ELMO1: variants seen among roughly 807,000 people sequenced by gnomAD.
The protein encoded by ELMO1 is engulfment and cell motility protein 1.
A neutral mutation model predicts 98.9 loss-of-function variants in ELMO1; 26 were observed. That is an observed-to-expected ratio of 0.26 (90% CI 0.19 to 0.36). The LOEUF (loss-of-function observed/expected upper bound fraction) is 0.36, where lower values mean the gene tolerates loss of function less well. Ranked by LOEUF, ELMO1 falls within the 10% of genes least tolerant of loss-of-function variation. The pLI, the probability that ELMO1 is intolerant of heterozygous loss-of-function variation, is 1.00. For synonymous variants in ELMO1, 346 were observed against 346.0 expected (o/e 1.00, Z 0.00); for missense variants, 627 against 935.2 (o/e 0.67, Z 4.30).
At chr7:37,003,365 G>GA (rs1203238280) in intron 16 of ELMO1, among the ~76,000 whole-genome samples, 1 of 152,094 alleles carries the variant, frequency 6.6e-6, no homozygotes, top group Non-Finnish European at 1.5e-5. Context: ...TCAAATACAA[G>GA]AAAGAAAAGA....
chr7:37,144,466 G>A (rs1233086728), intron 13 of ELMO1, among the ~76,000 whole-genome samples: 1 of 152,182 alleles, frequency 6.6e-6, no homozygotes, highest in Non-Finnish European at 1.5e-5. Flanking sequence ...TTTATGAGAT[G>A]CTTTGGATAC....
chr7:37,116,314 A>G (rs1195563092), intron 14 of ELMO1, among the ~76,000 whole-genome samples: 1 of 152,244 alleles, frequency 6.6e-6, no homozygotes, highest in Non-Finnish European at 1.5e-5. Context: ...TTACAGCAGA[A>G]AGAAAGAGGG....
chr7:37,306,254 A>C (rs1490223234), intron 4 of ELMO1, among the ~76,000 whole-genome samples: 1 of 152,256 alleles, frequency 6.6e-6, no homozygotes, highest in Non-Finnish European at 1.5e-5. Context: ...ACTGAATTCC[A>C]GGTTAGTAAA....
chr7:36,879,328 A>T (rs552831211), intron 18 of ELMO1, among the ~76,000 whole-genome samples: 1 of 152,202 alleles, frequency 6.6e-6, no homozygotes, highest in Admixed American at 6.5e-5. Context: ...AAAATGCCTA[A>T]GGCATGAGGT....
At chr7:37,165,687 C>T (rs1164547636) in intron 13 of ELMO1, among the ~76,000 whole-genome samples, 1 of 151,976 alleles carries the variant, frequency 6.6e-6, no homozygotes, top group Non-Finnish European at 1.5e-5. Context: ...GGGATGAAGC[C>T]CACTTGATCT....
chr7:37,090,764 A>G (rs1266299143), intron 15 of ELMO1, among the ~76,000 whole-genome samples: 1 of 152,194 alleles, frequency 6.6e-6, no homozygotes, highest in African/African-American at 2.4e-5. Flanking sequence ...GGAATGAAGT[A>G]TTGCCTCCCA....
chr7:37,039,310 T>C (rs1456806531), intron 15 of ELMO1, among the ~76,000 whole-genome samples: 2 of 152,108 alleles, frequency 1.3e-5, no homozygotes, highest in African/African-American at 4.8e-5. Flanking sequence ...TCCATAATAA[T>C]AAGAGCTGCT....
intron 13 of ELMO1, among the ~76,000 whole-genome samples, chr7:37,152,120 AACT>A (rs1284623549): frequency 6.6e-6 from 1 of 152,216 alleles, no homozygotes; most frequent in Non-Finnish European, 1.5e-5. Context: ...TGGAGTCAAA[AACT>A]ACTATGTTAA....
intron 4 of ELMO1, among the ~76,000 whole-genome samples, chr7:37,274,924 A>C (rs1049579361): frequency 3.9e-5 from 6 of 152,194 alleles, no homozygotes; most frequent in African/African-American, 1.4e-4. Context: ...CAATAAACTA[A>C]CATTTATTGA....
chr7:37,125,529 T>C (rs955315387), intron 14 of ELMO1, among the ~76,000 whole-genome samples: 2 of 152,016 alleles, frequency 1.3e-5, no homozygotes, highest in African/African-American at 4.8e-5. Context: ...AACAGACACA[T>C]GAAGAAATGC....
chr7:37,376,101 A>AC (rs1802330572), intron 1 of ELMO1: 2 of 337,378 alleles, frequency 5.9e-6, no homozygotes, highest in Admixed American at 4.0e-5. Flanking sequence ...AAACAAACAA[A>AC]AAAAACACTG....
intron 2 of ELMO1, among the ~76,000 whole-genome samples, chr7:37,332,138 A>G (rs1800160296): frequency 6.6e-6 from 1 of 152,218 alleles, no homozygotes; most frequent in Non-Finnish European, 1.5e-5. Flanking sequence ...GTTTGTCTCA[A>G]AGTCACTGAT....
intron 14 of ELMO1, among the ~76,000 whole-genome samples, chr7:37,132,455 G>A (rs1786987873): frequency 6.6e-6 from 1 of 152,124 alleles, no homozygotes; most frequent in Non-Finnish European, 1.5e-5. Context: ...CAGGGGAGAG[G>A]TGTCAGCACA....
intron 4 of ELMO1, among the ~76,000 whole-genome samples, chr7:37,305,059 G>T (rs1356621437): frequency 6.6e-6 from 1 of 152,120 alleles, no homozygotes; most frequent in Non-Finnish European, 1.5e-5. Context: ...CTAAAGTTTT[G>T]TATGTATGTA....
At chr7:37,160,226 A>G (rs2129328316) in intron 13 of ELMO1, among the ~76,000 whole-genome samples, 1 of 152,350 alleles carries the variant, frequency 6.6e-6, no homozygotes, top group East Asian at 1.9e-4. Context: ...ATTTTCAACA[A>G]TGAAGAAGGA....
chr7:37,342,840 G>T lies in ELMO1; in HGVS notation c.-73-77C>A. The stretch of plus-strand genomic sequence containing the variant: ...GGTGAATTTTGCTTCATCACTTCCT[G>T]TTTTCACTGGTGGTTTGGTATGAAA... On this transcript the variant is annotated intron_variant, in intron 1 of 21. Coordinates refer to ENST00000310758, the MANE Select transcript of ELMO1 (RefSeq NM_014800.11). The surrounding 1 kb of genome is among the most constrained non-coding windows in gnomAD (Gnocchi z 4.3). 6 of 660,400 alleles carry T rather than the reference G, an allele frequency of 9.1e-6. No homozygotes were observed. The highest frequency in any genetic ancestry group is 9.9e-6 in the Non-Finnish European group (4 of 402,468). The allele number at this position is 660,400 out of a possible 1,614,324, so 40.9% of individuals were successfully genotyped here.
chr7:37,402,157 T>C (rs1356360687), intron 1 of ELMO1, among the ~76,000 whole-genome samples: 2 of 152,198 alleles, frequency 1.3e-5, no homozygotes, highest in African/African-American at 4.8e-5. Context: ...CATGAACCTG[T>C]TGATGAGTGG....
At chr7:36,892,542 A>G (rs893723106) in intron 17 of ELMO1, among the ~76,000 whole-genome samples, 4 of 152,134 alleles carry the variant, frequency 2.6e-5, no homozygotes, top group African/African-American at 9.7e-5. Context: ...GTTGTTCAGT[A>G]GATGTTTGTG....
intron 13 of ELMO1, among the ~76,000 whole-genome samples, chr7:37,186,787 C>T (rs1791234486): frequency 6.6e-6 from 1 of 152,174 alleles, no homozygotes; most frequent in South Asian, 2.1e-4. Context: ...TCCCTCCCAT[C>T]AGCAAAAAGT....
Sources: gnomAD v4.1 joint callset for allele counts (sites outside exome capture counted in the v4.1 genomes callset) on GRCh38, gnomAD v4.1.1 for gene constraint, Gnocchi (gnomAD v3.1) non-coding constraint, MANE v1.5 for transcripts, NCBI Gene and HGNC (gene_info 2026-07-23, HGNC 2026-07-21) for gene names.